Variants in ZBTB20 observed in about 807,000 individuals in gnomAD.
ZBTB20 encodes the protein zinc finger and BTB domain containing 20.
In ZBTB20, 9 loss-of-function variants were observed where a neutral mutation model predicts 56.9. The observed-to-expected ratio is 0.16, with a 90% CI of 0.10 to 0.28. The LOEUF is 0.28. Among genes scored for constraint, ZBTB20 ranks in the 10% least tolerant of loss-of-function variants. The pLI is 1.00. For missense variants in ZBTB20, 655 were observed against 1,003.0 expected, an observed-to-expected ratio of 0.65 and a Z score of 4.69; for synonymous variants, 417 against 420.7, an observed-to-expected ratio of 0.99 and a Z score of 0.11.
rs2078826645 is a variant in ZBTB20 at position 114,319,780 on chromosome 3, C to T, written c.*19225G>A. The stretch of plus-strand genomic sequence containing the variant: ...TGTCCATGTGTGTACTGTACACATA[C>T]ATCTTGAAAAACCACTTTCTCAAGC... On this transcript the variant is annotated 3_prime_UTR_variant, in exon 12 of 12. Coordinates refer to ENST00000675478, the MANE Select transcript of ZBTB20 (RefSeq NM_001348800.3). The T allele has an allele frequency of 6.6e-6, 1 of 151,420 alleles. No individual in the cohort carries two copies. Among genetic ancestry groups the T allele is most frequent in the Non-Finnish European group, 1.5e-5 (1 of 67,946 alleles). The allele number at this position is 151,420 out of a possible 1,614,324, so 9.4% of individuals were successfully genotyped here.
chr3:114,423,033 C>A (rs760012782), intron 7 of ZBTB20, among the ~76,000 whole-genome samples: 3 of 152,144 alleles, frequency 2.0e-5, no homozygotes, highest in Non-Finnish European at 2.9e-5. Flanking sequence ...CTTCCCCAGG[C>A]AAGCCCTTTT....
At chr3:115,094,438 T>C (rs1442477792) in intron 1 of ZBTB20, among the ~76,000 whole-genome samples, 1 of 152,048 alleles carries the variant, frequency 6.6e-6, no homozygotes, top group Admixed American at 6.6e-5. Flanking sequence ...AAATAAGATA[T>C]TTTTGTTTAT....
At chr3:114,940,976 T>C (rs1013433525) in intron 3 of ZBTB20, among the ~76,000 whole-genome samples, 2 of 146,086 alleles carry the variant, frequency 1.4e-5, no homozygotes, top group African/African-American at 2.8e-5. Context: ...CGTTACCAGA[T>C]TGATCTCCTA....
intron 3 of ZBTB20, among the ~76,000 whole-genome samples, chr3:114,965,443 GTC>G (rs1167712840): frequency 1.3e-5 from 2 of 151,952 alleles, no homozygotes; most frequent in African/African-American, 2.4e-5. Context: ...CAGCTCCCCA[GTC>G]TCTCATCCCA....
At chr3:114,644,434 T>C (rs1379702650) in intron 6 of ZBTB20, among the ~76,000 whole-genome samples, 1 of 152,128 alleles carries the variant, frequency 6.6e-6, no homozygotes, top group Non-Finnish European at 1.5e-5. Flanking sequence ...TTCATTTATA[T>C]CATTGCCATC....
intron 5 of ZBTB20, among the ~76,000 whole-genome samples, chr3:114,756,716 C>T (rs1000405288): frequency 2.6e-5 from 4 of 152,068 alleles, no homozygotes; most frequent in African/African-American, 9.7e-5. Flanking sequence ...TGCATATTTT[C>T]CTCTGAGAAT....
chr3:114,323,991 C>A lies in ZBTB20; in HGVS notation c.*15014G>T, dbSNP rs1168197252. 1 of 152,190 alleles carries A rather than the reference C, an allele frequency of 6.6e-6. No homozygotes were observed. Among genetic ancestry groups the A allele is most frequent in the Non-Finnish European group, 1.5e-5 (1 of 68,046 alleles). 9.4% of individuals were successfully genotyped at this position (152,190 alleles called of 1,614,324 possible). A position where few individuals can be genotyped will look rare whatever the true frequency, so the allele number is the denominator to read the frequency against. ...CCCTATTATAACCCAAAGCTCAACT[C>A]TAAACAGCTCTTACAAAGGTTACCA... On this transcript the variant is annotated 3_prime_UTR_variant, in exon 12 of 12. Transcript: ENST00000675478.
intron 5 of ZBTB20, among the ~76,000 whole-genome samples, chr3:114,758,612 C>T (rs2068193664): frequency 6.6e-6 from 1 of 152,108 alleles, no homozygotes; most frequent in African/African-American, 2.4e-5. Context: ...CATATATCCA[C>T]AAATATCTGA....
rs545480533 is a variant in ZBTB20 at position 114,852,279 on chromosome 3, T to G, written c.-417+48025A>C. Among the ~76,000 whole-genome samples, 20 of 152,226 alleles carry G rather than the reference T, an allele frequency of 1.3e-4. 1 individual carries two copies. In the South Asian group the frequency reaches 3.7e-3, roughly 28 times the overall value. On this transcript the variant is annotated intron_variant, in intron 4 of 11. Transcript: ENST00000675478. ...TTATTTTATTTTATTTATTTTATTT[T>G]TTGAGACAGAGTCTTGCTCTGTTGC... is the stretch of plus-strand genomic sequence containing the variant.
In ZBTB20 at chr3:115,047,882, A is replaced by C. The variant is rs538449850; in HGVS notation, c.-507+23337T>G. Among the ~76,000 whole-genome samples the C allele has an allele frequency of 3.9e-5, 6 of 152,230 alleles. No homozygotes were observed. The South Asian group carries it at 1.2e-3, about 32-fold the overall frequency. ...AGTTCCTCAGTCCCAGAGATGCTAT[A>C]TTCATGATTTTGCAATAAACAAAAC... On this transcript the variant is annotated intron_variant, in intron 2 of 11. Transcript: ENST00000675478.
chr3:114,725,713 C>T (rs1490905725), intron 5 of ZBTB20, among the ~76,000 whole-genome samples: 3 of 152,162 alleles, frequency 2.0e-5, no homozygotes, highest in African/African-American at 4.8e-5. Flanking sequence ...TGCATTAACT[C>T]TCTATATTCT....
In ZBTB20 at chr3:114,456,610, G is replaced by A. The variant is rs551144557; in HGVS notation, c.-255+43742C>T. ...TCCAATATATTTCAATTGAAAATGA[G>A]CTACTAAAAAGGGGAAACTATATTT... On this transcript the variant is annotated intron_variant, in intron 7 of 11. Coordinates refer to ENST00000675478, the MANE Select transcript of ZBTB20 (RefSeq NM_001348800.3). Among the ~76,000 whole-genome samples, 4 of 152,264 alleles carry A rather than the reference G, an allele frequency of 2.6e-5. No individual in the cohort carries two copies. In the South Asian group the frequency reaches 8.3e-4, roughly 32 times the overall value.
chr3:114,392,787 G>A (rs1559729274), intron 7 of ZBTB20, among the ~76,000 whole-genome samples: 2 of 152,106 alleles, frequency 1.3e-5, no homozygotes, highest in South Asian at 2.1e-4. Flanking sequence ...TGTAGTAGAG[G>A]AAACATTAGT....
chr3:114,698,742 C>A (rs2063211437), intron 5 of ZBTB20, among the ~76,000 whole-genome samples: 1 of 152,270 alleles, frequency 6.6e-6, no homozygotes, highest in Non-Finnish European at 1.5e-5. Context: ...GGTTTCTAGT[C>A]ATCCAGTTGT....
At chr3:114,867,798 C>T (rs1342922772) in intron 4 of ZBTB20, among the ~76,000 whole-genome samples, 5 of 152,194 alleles carry the variant, frequency 3.3e-5, no homozygotes, top group East Asian at 1.9e-4. Flanking sequence ...AAAAAGACTT[C>T]TCTATGGAAC....
At chr3:114,366,670 A>T (rs1229782473) in intron 10 of ZBTB20, 1 of 152,198 alleles carries the variant, frequency 6.6e-6, no homozygotes, top group Non-Finnish European at 1.5e-5. Context: ...CAAGTTCCAT[A>T]CCCATGTGTC....
At chr3:114,475,520 A>G (rs748645193) in intron 7 of ZBTB20, among the ~76,000 whole-genome samples, 12 of 152,206 alleles carry the variant, frequency 7.9e-5, no homozygotes, top group Non-Finnish European at 1.2e-4. Context: ...TTTACACACA[A>G]TCAAAACATG....
chr3:114,714,879 G>A (rs1351271097), intron 5 of ZBTB20, among the ~76,000 whole-genome samples: 1 of 152,196 alleles, frequency 6.6e-6, no homozygotes, highest in Non-Finnish European at 1.5e-5. Context: ...TCCTGCCCAG[G>A]CAGGCAGAAA....
At chr3:114,704,355 T>C (rs1373291093) in intron 5 of ZBTB20, among the ~76,000 whole-genome samples, 1 of 151,802 alleles carries the variant, frequency 6.6e-6, no homozygotes, top group Non-Finnish European at 1.5e-5. Context: ...CTGTTTCTCA[T>C]ACACACAGAC....
Sources: allele counts gnomAD v4.1 joint callset (sites outside exome capture counted in the v4.1 genomes callset), GRCh38; gene constraint gnomAD v4.1.1; transcripts MANE v1.5; gene names NCBI Gene and HGNC (gene_info 2026-07-23, HGNC 2026-07-21).